Variants in PTPRD observed in about 807,000 individuals in gnomAD.
PTPRD encodes protein tyrosine phosphatase receptor type D.
In PTPRD, 34 loss-of-function variants were observed where a neutral mutation model predicts 214.5. That is an observed-to-expected ratio of 0.16 (90% CI 0.12 to 0.21). PTPRD has a LOEUF of 0.21. PTPRD is among the 10% of genes least tolerant of loss of function. PTPRD has a pLI of 1.00. For missense variants in PTPRD, 2,545 were observed against 2,398.7 expected, an observed-to-expected ratio of 1.06 and a Z score of -1.27; for synonymous variants, 1,128 against 845.7, an observed-to-expected ratio of 1.33 and a Z score of -5.79.
At chr9:8,997,595 C>A (rs1055031167) in intron 11 of PTPRD, among the ~76,000 whole-genome samples, 16 of 151,966 alleles carry the variant, frequency 1.1e-4, no homozygotes, top group African/African-American at 3.9e-4. Context: ...CCTCCCTGTT[C>A]GCTGAAACAC....
intron 12 of PTPRD, among the ~76,000 whole-genome samples, chr9:8,658,771 G>A (rs1287092596): frequency 1.3e-5 from 2 of 151,854 alleles, no homozygotes; most frequent in African/African-American, 2.4e-5. Flanking sequence ...CAAAGGATGA[G>A]GCGGTATCTA....
At chr9:8,971,115 G>A (rs550886035) in intron 11 of PTPRD, among the ~76,000 whole-genome samples, 2 of 151,796 alleles carry the variant, frequency 1.3e-5, no homozygotes, top group South Asian at 4.1e-4. Flanking sequence ...TTCTTCAAAT[G>A]TGTCACATTA....
At position 8,913,661 on chromosome 9, in the gene PTPRD, C is replaced by T. The variant is rs78535739; in HGVS notation, c.-104+105036G>A. Among the ~76,000 whole-genome samples, 47 of 152,244 alleles carry T rather than the reference C, an allele frequency of 3.1e-4. No homozygotes were observed. The East Asian group carries it at 7.3e-3, about 24-fold the overall frequency. ...AGAATGAGCTTCTTATTAAGGCAAA[C>T]TTTCCCTACCCCATTCCCCATACTT... On this transcript the variant is annotated intron_variant, in intron 11 of 45. Coordinates refer to ENST00000381196, the MANE Select transcript of PTPRD (RefSeq NM_002839.4).
chr9:10,474,558 A>G (rs1019167792), intron 2 of PTPRD, among the ~76,000 whole-genome samples: 6 of 152,102 alleles, frequency 3.9e-5, no homozygotes, highest in Admixed American at 3.9e-4. Flanking sequence ...TTAACACCCC[A>G]CTGTCAATAT....
chr9:10,157,010 A>G (rs1345513159), intron 3 of PTPRD, among the ~76,000 whole-genome samples: 1 of 151,950 alleles, frequency 6.6e-6, no homozygotes, highest in East Asian at 1.9e-4. Flanking sequence ...TTTTATTTTG[A>G]GACTATGAGT....
At chr9:10,291,552 C>CAG (rs1379946987) in intron 3 of PTPRD, among the ~76,000 whole-genome samples, 1 of 151,826 alleles carries the variant, frequency 6.6e-6, no homozygotes, top group African/African-American at 2.4e-5. Context: ...GTGATAGAAG[C>CAG]AGAGAGAGAG....
At chr9:8,406,661 G>A (rs893476654) in intron 35 of PTPRD, among the ~76,000 whole-genome samples, 1 of 152,182 alleles carries the variant, frequency 6.6e-6, no homozygotes, top group African/African-American at 2.4e-5. Context: ...AAATGTTTTT[G>A]AGAAAAGTTC....
chr9:9,794,464 G>C (rs1030991115), intron 5 of PTPRD, among the ~76,000 whole-genome samples: 1 of 152,036 alleles, frequency 6.6e-6, no homozygotes, highest in African/African-American at 2.4e-5. Flanking sequence ...AAAAGTGAGT[G>C]TATCAATGTG....
In PTPRD at chr9:9,748,454, G is replaced by C. The variant is rs535971347; in HGVS notation, c.-325-13883C>G. On this transcript the variant is annotated intron_variant, in intron 6 of 45. Coordinates refer to ENST00000381196, the MANE Select transcript of PTPRD (RefSeq NM_002839.4). ...CAGAAACCAAGATCAAAATAAAGAC[G>C]AAAAAAGATCTGTCAATTGTGATTC... is the stretch of plus-strand genomic sequence containing the variant. 1.7e-3 allele frequency among the ~76,000 whole-genome samples: 264 copies of C among 152,088 alleles called. 1 individual carries two copies. The highest frequency in any genetic ancestry group is 4.1e-3 in the South Asian group (20 of 4,824).
chr9:8,450,419 C>T (rs1028283936), intron 33 of PTPRD, among the ~76,000 whole-genome samples: 2 of 151,874 alleles, frequency 1.3e-5, no homozygotes, highest in African/African-American at 2.4e-5. Flanking sequence ...CAGAACTCCC[C>T]TTTCTCTTTC....
At chr9:10,397,702 T>C (rs911499475) in intron 2 of PTPRD, among the ~76,000 whole-genome samples, 14 of 152,110 alleles carry the variant, frequency 9.2e-5, no homozygotes, top group African/African-American at 3.4e-4. Flanking sequence ...TAATATGCTG[T>C]GCAGGCCTGT....
intron 10 of PTPRD, among the ~76,000 whole-genome samples, chr9:9,097,312 T>G (rs1275510889): frequency 6.6e-6 from 1 of 152,058 alleles, no homozygotes; most frequent in Non-Finnish European, 1.5e-5. Flanking sequence ...AAGCAAAGGT[T>G]TTTGGGGTAC....
chr9:8,493,130 T>G, intron 26 of PTPRD, 151 bp from the exon 27 acceptor site: 1 of 644,520 alleles, frequency 1.6e-6, no homozygotes, highest in South Asian at 1.9e-5. Context: ...GCTCATGCTA[T>G]GGAGATCTGT....
intron 11 of PTPRD, among the ~76,000 whole-genome samples, chr9:9,000,028 T>G (rs2099411729): frequency 6.6e-6 from 1 of 152,018 alleles, no homozygotes; most frequent in Admixed American, 6.6e-5. Context: ...GGTGGCAAAT[T>G]TACACTCTGT....
intron 3 of PTPRD, among the ~76,000 whole-genome samples, chr9:10,265,950 G>A (rs2094024637): frequency 6.6e-6 from 1 of 152,032 alleles, no homozygotes. Context: ...AATAAGAAAT[G>A]CTTGCATTTC....
intron 4 of PTPRD, among the ~76,000 whole-genome samples, chr9:9,957,425 CAGAT>C (rs1436764580): frequency 6.6e-6 from 1 of 151,878 alleles, no homozygotes; most frequent in Admixed American, 6.6e-5. Context: ...AAGGAAAAAA[CAGAT>C]AAACAAGGTA....
chr9:10,286,018 G>A (rs16925703), intron 3 of PTPRD, among the ~76,000 whole-genome samples: 17,059 of 151,840 alleles, frequency 0.11, 2,254 homozygotes, highest in African/African-American at 0.3. Context: ...ACTGAGAAAG[G>A]GCCTAATAGT....
chr9:8,519,397 T>A (rs948722956), intron 20 of PTPRD, among the ~76,000 whole-genome samples: 1 of 152,210 alleles, frequency 6.6e-6, no homozygotes, highest in African/African-American at 2.4e-5. Context: ...TCAAGTGCCT[T>A]ATTCTAAACA....
chr9:8,634,169 G>A lies in PTPRD; in HGVS notation c.211-711C>T, dbSNP rs148905952. On this transcript the variant is annotated intron_variant, in intron 13 of 45. Transcript: ENST00000381196. ...ACTAAGCCTGAATTCACCATCATTAGGAACTCTTCTTGGAAACAGTTTAGT... is the reference window on the plus strand; with the variant it reads ...ACTAAGCCTGAATTCACCATCATTAAGAACTCTTCTTGGAAACAGTTTAGT... 3.4e-4 allele frequency among the ~76,000 whole-genome samples: 51 copies of A among 151,780 alleles called. No homozygotes were observed. In the East Asian group the frequency reaches 8.7e-3, roughly 26 times the overall value.
Sources: allele counts gnomAD v4.1 joint callset (sites outside exome capture counted in the v4.1 genomes callset), GRCh38; gene constraint gnomAD v4.1.1; transcripts MANE v1.5; gene names NCBI Gene and HGNC (gene_info 2026-07-23, HGNC 2026-07-21).